Variants in H3C2 observed in about 807,000 individuals in gnomAD.
H3C2 encodes the protein histone H3.1.
In H3C2, 13 loss-of-function variants were observed where a neutral mutation model predicts 8.7. The observed-to-expected ratio is 1.49, with a 90% CI of 0.97 to 2.37. The LOEUF (loss-of-function observed/expected upper bound fraction) is 2.37, where lower values mean the gene tolerates loss of function less well. Ranked by LOEUF, H3C2 falls within the 30% of genes most tolerant of loss-of-function variation. The pLI is 0.00. For missense variants in H3C2, 144 were observed against 190.4 expected, an observed-to-expected ratio of 0.76 and a Z score of 1.44; for synonymous variants, 166 against 77.6, an observed-to-expected ratio of 2.14 and a Z score of -5.99.
chr6:26,031,726 G>A lies in H3C2; in HGVS notation c.335C>T (p.Ala112Val), dbSNP rs2113677814. The change falls in exon 1 of 1, where the codon GCC (alanine) becomes GTC (valine). Residue 112 changes from alanine (A) to valine (V), a missense_variant. Ala to Val is a moderately conservative substitution (Grantham distance 64). Transcript: ENST00000621411. The part of the protein sequence containing the change: ...VGLFEDTNLC[A>V]IHAKRVTIMP... The stretch of plus-strand genomic sequence containing the variant: ...AATAGTCACTCGCTTAGCATGGATG[G>A]CGCAAAGGTTTGTGTCCTCAAAGAG... The A allele has an allele frequency of 6.2e-7, 1 of 1,614,248 alleles. No homozygotes were observed. The highest frequency in any genetic ancestry group is 8.5e-7 in the Non-Finnish European group (1 of 1,180,040).
Position 26,031,749 on chromosome 6 carries a change from G to C in H3C2, c.312C>G (p.Leu104=). 1 of 1,614,250 alleles carries C rather than the reference G, an allele frequency of 6.2e-7. No individual in the cohort carries two copies. ...QEACEAYLVG[L]FEDTNLCAIH... ...TGGCGCAAAGGTTTGTGTCCTCAAA[G>C]AGCCCTACCAAGTAGGCCTCACAAG... Residue 104 remains leucine, a synonymous_variant, in exon 1 of 1, where the codon CTC becomes CTG. Transcript: ENST00000621411.
At position 26,031,806 on chromosome 6, in the gene H3C2, G is replaced by C. The variant is rs147680288; in HGVS notation, c.255C>G (p.Phe85Leu). The change falls in exon 1 of 1, where the codon TTC becomes TTG. Residue 85 changes from phenylalanine (F) to leucine (L), a missense_variant. By Grantham distance (22) the Phe-to-Leu change is conservative. Transcript: ENST00000621411. ...IAQDFKTDLR[F>L]QSSAVMALQE... is the part of the protein sequence containing the mutation. ...GCAGCGCCATCACCGCAGAGCTCTG[G>C]AAGCGAAGATCGGTCTTGAAGTCTT... 1 of 1,614,264 alleles carries C rather than the reference G, an allele frequency of 6.2e-7. No individual in the cohort carries two copies. The highest frequency in any genetic ancestry group is 8.5e-7 in the Non-Finnish European group (1 of 1,180,048).
In H3C2 at chr6:26,031,688, T is replaced by C; in HGVS notation, c.373A>G (p.Ile125Val). 6 of 1,613,794 alleles carry C rather than the reference T, an allele frequency of 3.7e-6. No homozygotes were observed. Among genetic ancestry groups the C allele is most frequent in the Non-Finnish European group, 5.1e-6 (6 of 1,179,944 alleles). ...CCGCGAATGCGGCGAGCGAGCTGGA[T>C]GTCTTTGGGCATAATAGTCACTCGC... ...AKRVTIMPKD[I>V]QLARRIRGER... The change falls in exon 1 of 1, where the codon ATC becomes GTC. Residue 125 changes from isoleucine to valine, a missense_variant. Transcript: ENST00000621411.
In H3C2 at chr6:26,031,611, C is replaced by A. The variant is rs2113677351; in HGVS notation, c.*39G>T. The A allele has an allele frequency of 6.3e-7, 1 of 1,593,614 alleles. No homozygotes were observed. On this transcript the variant is annotated 3_prime_UTR_variant, in exon 1 of 1. Coordinates refer to ENST00000621411, the MANE Select transcript of H3C2 (RefSeq NM_003537.4). ...AATAAGTGGGTGGCTCTGAAAAGAGCCTTTGGGTTTTAAGACTGATGAAAA... is the reference window on the plus strand; with the variant it reads ...AATAAGTGGGTGGCTCTGAAAAGAGACTTTGGGTTTTAAGACTGATGAAAA...
rs2113678904 is a variant in H3C2, at chr6:26,031,984, G to A, written c.77C>T (p.Ala26Val). The change falls in exon 1 of 1, where the codon GCT (alanine) becomes GTT (valine). Residue 26 changes from alanine (A) to valine (V), a missense_variant. By Grantham distance (64) the Ala-to-Val change is moderately conservative. Transcript: ENST00000621411. ...GCCGGTAGCCGGCGCGCTCTTGCGA[G>A]CAGCCTTGGTAGCCAGCTGCTTGCG... ...APRKQLATKAARKSAPATGGV... is the reference protein window; with the variant it reads ...APRKQLATKAVRKSAPATGGV... 3.1e-6 allele frequency: 5 copies of A among 1,614,180 alleles called. No homozygotes were observed. Among genetic ancestry groups the A allele is most frequent in the Non-Finnish European group, 4.2e-6 (5 of 1,180,044 alleles).
chr6:26,031,646 A>G lies in H3C2; in HGVS notation c.*4T>C, dbSNP rs984016952. On this transcript the variant is annotated 3_prime_UTR_variant, in exon 1 of 1. Coordinates refer to ENST00000621411, the MANE Select transcript of H3C2 (RefSeq NM_003537.4). ...TTAAGACTGATGAAAAAGTGACTTTACATTTACGCTCTTTCTCCGCGAATG... is the reference window on the plus strand; with the variant it reads ...TTAAGACTGATGAAAAAGTGACTTTGCATTTACGCTCTTTCTCCGCGAATG... 1.9e-6 allele frequency: 3 copies of G among 1,611,664 alleles called. No homozygotes were observed. Among genetic ancestry groups the G allele is most frequent in the Non-Finnish European group, 2.5e-6 (3 of 1,179,426 alleles).
rs188393592 is a variant in H3C2 at position 26,032,082 on chromosome 6, G to A, written c.-22C>T. On this transcript the variant is annotated 5_prime_UTR_variant, in exon 1 of 1. Transcript: ENST00000621411. The stretch of plus-strand genomic sequence containing the variant: ...CCATGGCAAAACCACAGAAAAGCTT[G>A]CCTGCAGAGACGTCTGTGGAGGAAA... 6.9e-6 allele frequency: 11 copies of A among 1,596,410 alleles called. No individual in the cohort carries two copies. The highest frequency in any genetic ancestry group is 2.7e-5 in the African/African-American group (2 of 73,928).
At position 26,031,636 on chromosome 6, in the gene H3C2, A is replaced by G. The variant is rs769952479; in HGVS notation, c.*14T>C. ...CCTTTGGGTTTTAAGACTGATGAAAAAGTGACTTTACATTTACGCTCTTTC... is the reference window on the plus strand; with the variant it reads ...CCTTTGGGTTTTAAGACTGATGAAAGAGTGACTTTACATTTACGCTCTTTC... On this transcript the variant is annotated 3_prime_UTR_variant, in exon 1 of 1. Transcript: ENST00000621411. 5 of 1,609,666 alleles carry G rather than the reference A, an allele frequency of 3.1e-6. No individual in the cohort carries two copies. The highest frequency in any genetic ancestry group is 3.4e-5 in the Admixed American group (2 of 58,318).
rs149213082 is a variant in H3C2, at chr6:26,031,875, C to T, written c.186G>A (p.Leu62=). ...IRRYQKSTEL[L]IRKLPFQRLV... is the part of the protein sequence containing the mutation. ...GGCGCTGGAACGGCAGCTTCCGAAT[C>T]AGCAACTCGGTCGACTTTTGGTAGC... Residue 62 remains leucine, a synonymous_variant, in exon 1 of 1, where the codon CTG becomes CTA. Transcript: ENST00000621411. 340 of 1,614,252 alleles carry T rather than the reference C, an allele frequency of 2.1e-4. 1 individual carries two copies. The highest frequency in any genetic ancestry group is 4.2e-4 in the Admixed American group (25 of 60,032).
rs752372678 is a variant in H3C2, at chr6:26,031,743, C to G, written c.318G>C (p.Glu106Asp). 1 of 1,614,118 alleles carries G rather than the reference C, an allele frequency of 6.2e-7. No homozygotes were observed. The highest frequency in any genetic ancestry group is 1.7e-5 in the Admixed American group (1 of 60,008). The change falls in exon 1 of 1, where the codon GAG becomes GAC. Residue 106 changes from glutamate to aspartate, a missense_variant. Physicochemically the swap from Glu to Asp is conservative, Grantham distance 45 (BLOSUM62 2). Transcript: ENST00000621411. The part of the protein sequence containing the change: ...ACEAYLVGLF[E>D]DTNLCAIHAK... ...CATGGATGGCGCAAAGGTTTGTGTC[C>G]TCAAAGAGCCCTACCAAGTAGGCCT...
At position 26,032,099 on chromosome 6, in the gene H3C2, T is replaced by G. The variant is rs778991658; in HGVS notation, c.-39A>C. 4.7e-5 allele frequency: 73 copies of G among 1,569,322 alleles called. No individual in the cohort carries two copies. Among genetic ancestry groups the G allele is most frequent in the African/African-American group, 1.4e-4 (10 of 72,768 alleles). ...AAAAGCTTGCCTGCAGAGACGTCTG[T>G]GGAGGAAAGGAAAGAGCTACTCTTC... On this transcript the variant is annotated 5_prime_UTR_variant, in exon 1 of 1. Transcript: ENST00000621411.
Position 26,031,638 on chromosome 6 carries a change from G to GT in H3C2, c.*11dup, listed in dbSNP as rs1761454082. On this transcript the variant is annotated 3_prime_UTR_variant, in exon 1 of 1. Transcript: ENST00000621411. ...TTTGGGTTTTAAGACTGATGAAAAA[G>GT]TGACTTTACATTTACGCTCTTTCTC... The GT allele has an allele frequency of 6.2e-7, 1 of 1,608,916 alleles. No individual in the cohort carries two copies. The highest frequency in any genetic ancestry group is 1.7e-5 in the Admixed American group (1 of 58,382).
rs754721177 is a variant in H3C2 at position 26,031,603 on chromosome 6, G to T, written c.*47C>A. 6.3e-7 allele frequency: 1 copy of T among 1,580,120 alleles called. No homozygotes were observed. The highest frequency in any genetic ancestry group is 1.1e-5 in the South Asian group (1 of 87,478). On this transcript the variant is annotated 3_prime_UTR_variant, in exon 1 of 1. Coordinates refer to ENST00000621411, the MANE Select transcript of H3C2 (RefSeq NM_003537.4). ...TTCGTTGGAATAAGTGGGTGGCTCT[G>T]AAAAGAGCCTTTGGGTTTTAAGACT...
rs748750105 is a variant in H3C2 at position 26,032,097 on chromosome 6, T to C, written c.-37A>G. The C allele has an allele frequency of 2.1e-5, 33 of 1,571,918 alleles. No homozygotes were observed. The highest frequency in any genetic ancestry group is 2.6e-5 in the Non-Finnish European group (30 of 1,165,308). On this transcript the variant is annotated 5_prime_UTR_variant, in exon 1 of 1. Coordinates refer to ENST00000621411, the MANE Select transcript of H3C2 (RefSeq NM_003537.4). Reference sequence around the variant, plus strand: ...AGAAAAGCTTGCCTGCAGAGACGTCTGTGGAGGAAAGGAAAGAGCTACTCT... The same window carrying C: ...AGAAAAGCTTGCCTGCAGAGACGTCCGTGGAGGAAAGGAAAGAGCTACTCT...
rs753208893 is a variant in H3C2, at chr6:26,032,091, G to A, written c.-31C>T. The A allele has an allele frequency of 1.3e-5, 20 of 1,579,576 alleles. No homozygotes were observed. The highest frequency in any genetic ancestry group is 1.2e-4 in the African/African-American group (9 of 73,142). On this transcript the variant is annotated 5_prime_UTR_variant, in exon 1 of 1. Coordinates refer to ENST00000621411, the MANE Select transcript of H3C2 (RefSeq NM_003537.4). ...AACCACAGAAAAGCTTGCCTGCAGA[G>A]ACGTCTGTGGAGGAAAGGAAAGAGC...
rs115651536 is a variant in H3C2 at position 26,031,627 on chromosome 6, C to T, written c.*23G>A. The T allele has an allele frequency of 1.3e-3, 2,074 of 1,607,180 alleles. 21 individuals are homozygous for T. In the African/African-American group the frequency reaches 0.022, roughly 17 times the overall value. On this transcript the variant is annotated 3_prime_UTR_variant, in exon 1 of 1. Transcript: ENST00000621411. Reference sequence around the variant, plus strand: ...TGAAAAGAGCCTTTGGGTTTTAAGACTGATGAAAAAGTGACTTTACATTTA... The same window carrying T: ...TGAAAAGAGCCTTTGGGTTTTAAGATTGATGAAAAAGTGACTTTACATTTA...
At position 26,031,775 on chromosome 6, in the gene H3C2, C is replaced by T. The variant is rs573923856; in HGVS notation, c.286G>A (p.Ala96Thr). 3 of 1,614,244 alleles carry T rather than the reference C, an allele frequency of 1.9e-6. No homozygotes were observed. Among genetic ancestry groups the T allele is most frequent in the African/African-American group, 1.3e-5 (1 of 75,068 alleles). The change falls in exon 1 of 1, where the codon GCT becomes ACT. Residue 96 changes from alanine (A) to threonine (T), a missense_variant. Physicochemically the swap from Ala to Thr is moderately conservative, Grantham distance 58 (BLOSUM62 0). Coordinates refer to ENST00000621411, the MANE Select transcript of H3C2 (RefSeq NM_003537.4). ...AGCCCTACCAAGTAGGCCTCACAAG[C>T]CTCCTGCAGCGCCATCACCGCAGAG... ...QSSAVMALQE[A>T]CEAYLVGLFE...
rs2113677598 is a variant in H3C2, at chr6:26,031,672, C to A, written c.389G>T (p.Arg130Leu). The change falls in exon 1 of 1, where the codon CGC becomes CTC. Residue 130 changes from arginine (R) to leucine (L), a missense_variant. Physicochemically the swap from Arg to Leu is moderately radical, Grantham distance 102. Transcript: ENST00000621411. ...CATTTACGCTCTTTCTCCGCGAATGCGGCGAGCGAGCTGGATGTCTTTGGG... is the reference window on the plus strand; with the variant it reads ...CATTTACGCTCTTTCTCCGCGAATGAGGCGAGCGAGCTGGATGTCTTTGGG... ...IMPKDIQLAR[R>L]IRGERA 1.2e-6 allele frequency: 2 copies of A among 1,613,338 alleles called. No individual in the cohort carries two copies. The highest frequency in any genetic ancestry group is 1.7e-5 in the Admixed American group (1 of 59,676).
In H3C2 at chr6:26,031,760, A is replaced by C. The variant is rs975981098; in HGVS notation, c.301T>G (p.Leu101Val). Residue 101 changes from leucine to valine, a missense_variant, in exon 1 of 1, where the codon TTG becomes GTG. Coordinates refer to ENST00000621411, the MANE Select transcript of H3C2 (RefSeq NM_003537.4). ...TTTGTGTCCTCAAAGAGCCCTACCA[A>C]GTAGGCCTCACAAGCCTCCTGCAGC... ...MALQEACEAY[L>V]VGLFEDTNLC... 2.5e-6 allele frequency: 4 copies of C among 1,614,252 alleles called. No individual in the cohort carries two copies. Among genetic ancestry groups the C allele is most frequent in the Admixed American group, 3.3e-5 (2 of 60,036 alleles).
Sources: gnomAD v4.1 joint callset for allele counts on GRCh38, gnomAD v4.1.1 for gene constraint, MANE v1.5 for transcripts, NCBI Gene and HGNC (gene_info 2026-07-23, HGNC 2026-07-21) for gene names.